Variants in OMA1 observed in about 807,000 individuals in gnomAD.
OMA1 encodes OMA1 zinc metallopeptidase, also known as metalloendopeptidase OMA1, mitochondrial.
Under a neutral mutation model 30.9 loss-of-function variants are expected in OMA1, and 38 were observed. The observed-to-expected ratio is 1.23, with a 90% CI of 0.95 to 1.61. The LOEUF (loss-of-function observed/expected upper bound fraction) is 1.61, where lower values mean the gene tolerates loss of function less well. OMA1 is among the 40% of genes most tolerant of loss of function. The pLI is 0.00. For synonymous variants in OMA1, 173 were observed against 121.9 expected (o/e 1.42, Z -2.76); for missense variants, 461 against 349.2 (o/e 1.32, Z -2.55).
chr1:58,540,267 A>T (rs1189213852), intron 1 of OMA1, among the ~76,000 whole-genome samples: 2 of 147,446 alleles, frequency 1.4e-5, no homozygotes, highest in African/African-American at 5.0e-5. Flanking sequence ...CTTCCAAGCA[A>T]CAACTGCATC....
At chr1:58,507,482 C>T (rs1195258048) in intron 7 of OMA1, among the ~76,000 whole-genome samples, 1 of 151,788 alleles carries the variant, frequency 6.6e-6, no homozygotes, top group Non-Finnish European at 1.5e-5. Context: ...AAATCTTATT[C>T]AATATTTAAA....
chr1:58,500,183 CATA>C (rs1347636487), intron 8 of OMA1, among the ~76,000 whole-genome samples: 3 of 152,160 alleles, frequency 2.0e-5, no homozygotes, highest in South Asian at 4.2e-4. Flanking sequence ...TCACATGCAC[CATA>C]ATATTTTTTT....
At chr1:58,502,587 C>T (rs1476852817) in intron 8 of OMA1, among the ~76,000 whole-genome samples, 2 of 152,312 alleles carry the variant, frequency 1.3e-5, no homozygotes, top group African/African-American at 2.4e-5. Context: ...ATAACATACT[C>T]ACTAGAGCAT....
Position 58,480,842 on chromosome 1 carries a change from T to C in OMA1, c.*123A>G, listed in dbSNP as rs944488193. ...AGAAGAATTTAGATAATATCTGTAA[T>C]GTACATGATTTGACCCTGAATATCC... On this transcript the variant is annotated 3_prime_UTR_variant, in exon 9 of 9. Coordinates refer to ENST00000371226, the MANE Select transcript of OMA1 (RefSeq NM_145243.5). The C allele has an allele frequency of 3.1e-5, 19 of 614,282 alleles. No individual in the cohort carries two copies. Among genetic ancestry groups the C allele is most frequent in the Middle Eastern group, 4.5e-4 (1 of 2,208 alleles). The allele number at this position is 614,282 out of a possible 1,614,324, so 38.1% of individuals were successfully genotyped here. A position where few individuals can be genotyped will look rare whatever the true frequency, so the allele number is the denominator to read the frequency against.
chr1:58,504,611 G>A (rs1172654516), intron 8 of OMA1, among the ~76,000 whole-genome samples: 1 of 152,114 alleles, frequency 6.6e-6, no homozygotes, highest in East Asian at 1.9e-4. Context: ...AAAACAGACT[G>A]TTTTGTTCCT....
Position 58,489,142 on chromosome 1 carries a change from G to A in OMA1, c.1366-7968C>T, listed in dbSNP as rs543515750. 2.5e-4 allele frequency among the ~76,000 whole-genome samples: 38 copies of A among 152,334 alleles called. No homozygotes were observed. In the South Asian group the frequency reaches 5.0e-3, roughly 20 times the overall value. ...CCGAGCGTGAGCCGAAGTAGGGCAA[G>A]GCATCGTGTCACCCGGGAAGTGCAA... On this transcript the variant is annotated intron_variant, in intron 8 of 8. Coordinates refer to ENST00000371226, the MANE Select transcript of OMA1 (RefSeq NM_145243.5).
chr1:58,513,955 T>C (rs7515056), intron 7 of OMA1, among the ~76,000 whole-genome samples: 27,056 of 152,112 alleles, frequency 0.18, 2,544 homozygotes, highest in Middle Eastern at 0.23. Context: ...CCTGGGTCAA[T>C]AATTTAGTCT....
At chr1:58,496,782 C>T (rs1645810316) in intron 8 of OMA1, among the ~76,000 whole-genome samples, 1 of 152,176 alleles carries the variant, frequency 6.6e-6, no homozygotes, top group African/African-American at 2.4e-5. Context: ...GTGTCTGCAA[C>T]ATCTTTTATT....
chr1:58,499,314 C>CAAAAAAAAAA (rs58217798), intron 8 of OMA1, among the ~76,000 whole-genome samples: 2 of 69,738 alleles, frequency 2.9e-5, no homozygotes, highest in Admixed American at 1.8e-4. Flanking sequence ...CACATCTCTA[C>CAAAAAAAAAA]AAAAAAAAAA....
At chr1:58,524,698 T>C (rs1243338074) in intron 7 of OMA1, among the ~76,000 whole-genome samples, 1 of 152,196 alleles carries the variant, frequency 6.6e-6, no homozygotes, top group Non-Finnish European at 1.5e-5. Context: ...CTACAGTATA[T>C]ATCAAGCAAC....
chr1:58,512,734 T>A (rs1646099818), intron 7 of OMA1, among the ~76,000 whole-genome samples: 1 of 152,136 alleles, frequency 6.6e-6, no homozygotes, highest in Non-Finnish European at 1.5e-5. Context: ...ATAGTGTTTG[T>A]CAGGGAGTGG....
At chr1:58,520,529 T>C (rs1646245830) in intron 7 of OMA1, among the ~76,000 whole-genome samples, 1 of 152,142 alleles carries the variant, frequency 6.6e-6, no homozygotes, top group Admixed American at 6.5e-5. Flanking sequence ...AGACTAACTT[T>C]TCCCCAAAAA....
chr1:58,493,130 G>A (rs1314521712), intron 8 of OMA1, among the ~76,000 whole-genome samples: 26 of 151,998 alleles, frequency 1.7e-4, no homozygotes, highest in Non-Finnish European at 2.2e-4. Flanking sequence ...ATCAATAAAC[G>A]TAATCCAGCA....
At chr1:58,541,269 G>C (rs1312011943) in intron 1 of OMA1, among the ~76,000 whole-genome samples, 2 of 102,952 alleles carry the variant, frequency 1.9e-5, no homozygotes, top group Admixed American at 1.6e-4. Context: ...ATTCCAGCCT[G>C]GGCAACAGAG....
intron 7 of OMA1, among the ~76,000 whole-genome samples, chr1:58,508,717 C>G (rs999092264): frequency 3.9e-5 from 6 of 152,040 alleles, no homozygotes; most frequent in Non-Finnish European, 8.8e-5. Context: ...CCCTAGATAT[C>G]TAGGGGCCAG....
At position 58,543,627 on chromosome 1, in the gene OMA1, G is replaced by A. The variant is rs534518331; in HGVS notation, c.-17+3076C>T. 1.3e-3 allele frequency among the ~76,000 whole-genome samples: 198 copies of A among 152,078 alleles called. 2 individuals carry two copies. The highest frequency in any genetic ancestry group is 2.2e-3 in the Non-Finnish European group (152 of 67,988). On this transcript the variant is annotated intron_variant, in intron 1 of 8. Coordinates refer to ENST00000371226, the MANE Select transcript of OMA1 (RefSeq NM_145243.5). ...AACCCTGGCAACAGAATCCTACCCC[G>A]ACAATTAACATACAGTCCTACCCTG...
At position 58,539,035 on chromosome 1, in the gene OMA1, CTTT is replaced by C. The variant is rs1240808383; in HGVS notation, c.257_259del (p.Lys86del). On this transcript the variant is annotated inframe_deletion, in exon 2 of 9. Transcript: ENST00000371226. ...GCTGGTAATCCTCCAAATTTCCTTA[CTTT>C]TGGTACTTGAGAGGCCTCCTGTTCT... is the stretch of plus-strand genomic sequence containing the variant. 3 of 872,730 alleles carry C rather than the reference CTTT, an allele frequency of 3.4e-6. No individual in the cohort carries two copies. In the African/African-American group the frequency reaches 4.9e-5, roughly 14 times the overall value. The allele number at this position is 872,730 out of a possible 1,614,324, so 54.1% of individuals were successfully genotyped here. A position where few individuals can be genotyped will look rare whatever the true frequency, so the allele number is the denominator to read the frequency against.
At chr1:58,532,659 C>A (rs1646452466) in intron 5 of OMA1, among the ~76,000 whole-genome samples, 1 of 152,150 alleles carries the variant, frequency 6.6e-6, no homozygotes, top group Admixed American at 6.5e-5. Context: ...TCCAGAACAG[C>A]TGGAACTACA....
chr1:58,484,622 A>G (rs1290345891), intron 8 of OMA1, among the ~76,000 whole-genome samples: 1 of 152,200 alleles, frequency 6.6e-6, no homozygotes, highest in Non-Finnish European at 1.5e-5. Context: ...CTGGCTTGGT[A>G]AATGTTTTTA....
Sources: allele counts gnomAD v4.1 joint callset (sites outside exome capture counted in the v4.1 genomes callset), GRCh38; gene constraint gnomAD v4.1.1; transcripts MANE v1.5; gene names NCBI Gene and HGNC (gene_info 2026-07-23, HGNC 2026-07-21).